DPP6: variants seen among roughly 807,000 people sequenced by gnomAD.
DPP6 encodes the protein A-type potassium channel modulatory protein DPP6.
A neutral mutation model predicts 122.6 loss-of-function variants in DPP6; 69 were observed. The ratio of observed to expected loss-of-function variants is 0.56; its 90% CI spans 0.46 to 0.69. The LOEUF is 0.69. Ranked by LOEUF, DPP6 falls within the 30% of genes least tolerant of loss-of-function variation. The probability of loss-of-function intolerance (pLI) is 0.00; values close to 1 mark genes in which losing one functional copy is unlikely to be tolerated. For missense variants in DPP6, 928 were observed against 1,116.9 expected, an observed-to-expected ratio of 0.83 and a Z score of 2.41; for synonymous variants, 418 against 433.1, an observed-to-expected ratio of 0.97 and a Z score of 0.43.
intron 1 of DPP6, among the ~76,000 whole-genome samples, chr7:153,893,282 C>T (rs1256274435): frequency 6.6e-6 from 1 of 152,168 alleles, no homozygotes; most frequent in African/African-American, 2.4e-5. Flanking sequence ...TGTAACCTGT[C>T]CTGGTCAGTA....
chr7:154,292,328 T>C (rs912423546), intron 1 of DPP6, among the ~76,000 whole-genome samples: 2 of 152,246 alleles, frequency 1.3e-5, no homozygotes, highest in African/African-American at 4.8e-5. Context: ...CTTTGAGAAC[T>C]CATCAATCCT....
intron 3 of DPP6, among the ~76,000 whole-genome samples, chr7:154,485,238 C>G (rs1432411547): frequency 6.6e-6 from 1 of 152,158 alleles, no homozygotes; most frequent in Non-Finnish European, 1.5e-5. Flanking sequence ...GAGAGCATAA[C>G]AGTGATCATT....
At chr7:154,445,011 T>G (rs745382259) in intron 1 of DPP6, among the ~76,000 whole-genome samples, 9 of 152,242 alleles carry the variant, frequency 5.9e-5, no homozygotes, top group Non-Finnish European at 1.3e-4. Context: ...AATGGCCCCA[T>G]GAATTTTTCT....
At chr7:153,864,683 A>G in the DPP6 span, among the ~76,000 whole-genome samples, 1 of 55,354 alleles carries the variant, frequency 1.8e-5, no homozygotes, top group East Asian at 8.6e-4. Context: ...ACACACACAC[A>G]CACACACACA....
At chr7:154,883,068 CAT>C (rs1563321063) in intron 21 of DPP6, among the ~76,000 whole-genome samples, 8 of 150,970 alleles carry the variant, frequency 5.3e-5, no homozygotes, top group East Asian at 4.0e-4. Flanking sequence ...CATTCACACA[CAT>C]GCTCACCCAT....
At chr7:153,949,218 C>T (rs964079496) in intron 1 of DPP6, among the ~76,000 whole-genome samples, 1 of 152,176 alleles carries the variant, frequency 6.6e-6, no homozygotes, top group African/African-American at 2.4e-5. Context: ...TAAGTGCAGC[C>T]ACAGAGATTC....
At chr7:154,220,710 C>T (rs527547100) in intron 1 of DPP6, among the ~76,000 whole-genome samples, 266 of 152,262 alleles carry the variant, frequency 1.7e-3, no homozygotes, top group Non-Finnish European at 3.1e-3. Context: ...AAATACATTC[C>T]TGTTTTTTCT....
intron 1 of DPP6, among the ~76,000 whole-genome samples, chr7:154,011,428 C>T (rs556549775): frequency 6.6e-6 from 1 of 152,230 alleles, no homozygotes; most frequent in East Asian, 1.9e-4. Flanking sequence ...CGTTCCATTG[C>T]ACAATAGGCA....
At chr7:153,931,636 G>A (rs1585049254) in intron 1 of DPP6, among the ~76,000 whole-genome samples, 1 of 152,314 alleles carries the variant, frequency 6.6e-6, no homozygotes, top group East Asian at 1.9e-4. Flanking sequence ...GCCAGAAACA[G>A]CCCTTTCTTT....
intron 1 of DPP6, among the ~76,000 whole-genome samples, chr7:154,056,085 G>A (rs1299824217): frequency 1.3e-5 from 2 of 152,192 alleles, no homozygotes; most frequent in Admixed American, 1.3e-4. Flanking sequence ...AGATAGAATG[G>A]CTAGAATTAA....
intron 1 of DPP6, among the ~76,000 whole-genome samples, chr7:154,029,863 A>C (rs1799142089): frequency 6.7e-6 from 1 of 148,906 alleles, no homozygotes; most frequent in Admixed American, 6.7e-5. Flanking sequence ...AAAAGTAAAG[A>C]AAAAAGAAAA....
chr7:154,776,240 GATAC>G (rs1796560106), intron 10 of DPP6, among the ~76,000 whole-genome samples: 2 of 66,478 alleles, frequency 3.0e-5, no homozygotes, highest in Non-Finnish European at 6.5e-5. Flanking sequence ...TAGATAAACA[GATAC>G]ATAGATAGAT....
chr7:154,077,653 A>G (rs1803655881), intron 1 of DPP6, among the ~76,000 whole-genome samples: 1 of 150,540 alleles, frequency 6.6e-6, no homozygotes, highest in South Asian at 2.1e-4. Flanking sequence ...AATAGATTAT[A>G]GATTTTATTT....
intron 1 of DPP6, among the ~76,000 whole-genome samples, chr7:154,182,523 C>T (rs189836771): frequency 6.8e-4 from 104 of 152,224 alleles, no homozygotes; most frequent in Admixed American, 5.7e-3. Context: ...TTCCTTCTGG[C>T]CATAGCAACC....
chr7:154,062,001 G>A (rs1469155065), intron 1 of DPP6, among the ~76,000 whole-genome samples: 14 of 116,460 alleles, frequency 1.2e-4, no homozygotes, highest in African/African-American at 3.0e-4. Flanking sequence ...CTGGCTGTTG[G>A]TACCCCCATC....
chr7:154,257,215 C>T (rs953708944), intron 1 of DPP6, among the ~76,000 whole-genome samples: 3 of 151,892 alleles, frequency 2.0e-5, no homozygotes, highest in African/African-American at 7.3e-5. Flanking sequence ...TCTCGTGCTC[C>T]TGCCCAAAAG....
At chr7:154,626,935 A>G (rs1835105556) in intron 5 of DPP6, among the ~76,000 whole-genome samples, 1 of 148,814 alleles carries the variant, frequency 6.7e-6, no homozygotes, top group Admixed American at 6.7e-5. Flanking sequence ...ATGTCATATG[A>G]GCTAAACATC....
At chr7:154,399,620 A>G (rs1202816308) in intron 1 of DPP6, among the ~76,000 whole-genome samples, 1 of 152,216 alleles carries the variant, frequency 6.6e-6, no homozygotes, top group Non-Finnish European at 1.5e-5. Context: ...TATTGAGAAC[A>G]TCCTCTGAGA....
chr7:154,621,517 T>TG, intron 5 of DPP6, among the ~76,000 whole-genome samples: 1 of 151,942 alleles, frequency 6.6e-6, no homozygotes, highest in South Asian at 2.1e-4. Flanking sequence ...TACAGGCTCA[T>TG]GCCACCACAC....
Sources: allele counts gnomAD v4.1 joint callset (sites outside exome capture counted in the v4.1 genomes callset), GRCh38; gene constraint gnomAD v4.1.1; transcripts MANE v1.5; gene names NCBI Gene and HGNC (gene_info 2026-07-23, HGNC 2026-07-21).